The following DST variants were observed in gnomAD, a reference collection of about 807,000 sequenced individuals.
The protein encoded by DST is bullous pemphigoid antigen.
A neutral mutation model predicts 875.2 loss-of-function variants in DST; 253 were observed. The ratio of observed to expected loss-of-function variants is 0.29; its 90% confidence interval spans 0.26 to 0.32. The LOEUF (loss-of-function observed/expected upper bound fraction) is 0.32, where lower values mean the gene tolerates loss of function less well. Among genes scored for constraint, DST ranks in the 10% least tolerant of loss-of-function variants. The pLI is 1.00. For missense variants in DST, 8,287 were observed against 9,111.6 expected, an observed-to-expected ratio of 0.91 and a Z score of 3.68; for synonymous variants, 3,124 against 3,197.1, an observed-to-expected ratio of 0.98 and a Z score of 0.77.
chr6:56,826,610 T>C (rs2099780792), intron 4 of DST, among the ~76,000 whole-genome samples: 1 of 152,204 alleles, frequency 6.6e-6, no homozygotes, highest in African/African-American at 2.4e-5. Context: ...CATGTGCCTT[T>C]TAATTTTCCT....
At chr6:56,816,147 T>C (rs1287935079) in intron 4 of DST, among the ~76,000 whole-genome samples, 6 of 152,172 alleles carry the variant, frequency 3.9e-5, no homozygotes, top group African/African-American at 1.4e-4. Context: ...ACTCCCTCAA[T>C]CTCATTAATA....
At chr6:56,748,460 T>TA (rs1422125333) in intron 4 of DST, among the ~76,000 whole-genome samples, 4 of 152,236 alleles carry the variant, frequency 2.6e-5, no homozygotes, top group African/African-American at 9.6e-5. Flanking sequence ...TAGGTATTAC[T>TA]AGACACCTAT....
rs192005493 is a variant in DST at position 56,568,545 on chromosome 6, G to A, written c.13929C>T (p.Asn4643=). ...AGTTACATAGTGAGATCCCACTGTT[G>A]TTTACTTTCTGAATCTCTGGTGTTT... ...SLKTPEIQKV[N]NSGISLCNLI... is the part of the protein sequence containing the mutation. Residue 4643 remains asparagine (N), a synonymous_variant, in exon 55 of 104, where the codon AAC becomes AAT. Coordinates refer to ENST00000680361, the MANE Select transcript of DST (RefSeq NM_001374736.1). The A allele has an allele frequency of 2.5e-6, 4 of 1,612,232 alleles. No individual in the cohort carries two copies. Among genetic ancestry groups the A allele is most frequent in the Non-Finnish European group, 3.4e-6 (4 of 1,179,018 alleles).
chr6:56,663,739 A>G (rs2099056943), intron 10 of DST, among the ~76,000 whole-genome samples: 1 of 152,212 alleles, frequency 6.6e-6, no homozygotes, highest in Admixed American at 6.5e-5. Context: ...TGATGGCCCT[A>G]TTATATTCTC....
At chr6:56,920,728 T>TTC (rs1803692981) in intron 2 of DST, among the ~76,000 whole-genome samples, 1 of 83,828 alleles carries the variant, frequency 1.2e-5, no homozygotes, top group Admixed American at 1.1e-4. Flanking sequence ...TCTTTCTTCC[T>TTC]TTTTTTTTTT....
chr6:56,892,362 C>T (rs965079496), intron 3 of DST, among the ~76,000 whole-genome samples: 1 of 144,328 alleles, frequency 6.9e-6, no homozygotes, highest in Admixed American at 7.1e-5. Context: ...CTTGCTCTGT[C>T]ACTCAGGCTG....
intron 2 of DST, among the ~76,000 whole-genome samples, chr6:56,938,958 G>A (rs768792753): frequency 1.6e-4 from 24 of 152,214 alleles, no homozygotes; most frequent in Non-Finnish European, 3.1e-4. Flanking sequence ...ACCAACCCAC[G>A]GAATTGTGAG....
chr6:56,821,696 C>T (rs2099773224), intron 4 of DST, among the ~76,000 whole-genome samples: 1 of 152,164 alleles, frequency 6.6e-6, no homozygotes, highest in Non-Finnish European at 1.5e-5. Flanking sequence ...TCCTCTCTGA[C>T]TGCCCTATGA....
Position 56,485,144 on chromosome 6 carries a change from G to A in DST, c.21207+168C>T, listed in dbSNP as rs1045206490. 14 of 675,054 alleles carry A rather than the reference G, an allele frequency of 2.1e-5. No homozygotes were observed. In the African/African-American group the frequency reaches 2.6e-4, roughly 12 times the overall value. The allele number at this position is 675,054 out of a possible 1,614,324, so 41.8% of individuals were successfully genotyped here. On this transcript the variant is annotated intron_variant, in intron 88 of 103. Transcript: ENST00000680361. ...ATAATACTTCCCCATCACTTTTAAA[G>A]TTTGCTTCCAGGTTCTGCTCAAACG...
chr6:56,699,856 T>A, intron 8 of DST, 111 bp from the exon 9 acceptor site: 2 of 535,006 alleles, frequency 3.7e-6, no homozygotes, highest in South Asian at 2.9e-5. Context: ...AATGGAATAA[T>A]TTAAACACCA....
chr6:56,681,933 A>T (rs2099159208), intron 9 of DST, among the ~76,000 whole-genome samples: 1 of 152,208 alleles, frequency 6.6e-6, no homozygotes, highest in Non-Finnish European at 1.5e-5. Flanking sequence ...AATGTCACTA[A>T]GCCAAATGGG....
intron 4 of DST, among the ~76,000 whole-genome samples, chr6:56,845,771 C>T (rs2099806620): frequency 6.6e-6 from 1 of 152,166 alleles, no homozygotes. Flanking sequence ...CACCCAGTAG[C>T]ACCCAGTTTT....
intron 4 of DST, among the ~76,000 whole-genome samples, chr6:56,745,889 C>A (rs2099570875): frequency 6.6e-6 from 1 of 152,146 alleles, no homozygotes; most frequent in African/African-American, 2.4e-5. Context: ...TTCATATTGG[C>A]ACAAATTTGT....
intron 4 of DST, among the ~76,000 whole-genome samples, chr6:56,796,000 C>T (rs1370719432): frequency 6.6e-6 from 1 of 152,144 alleles, no homozygotes; most frequent in East Asian, 1.9e-4. Context: ...AGTCTTGAGA[C>T]CACAGGATCC....
At chr6:56,671,926 A>T (rs1318646406) in intron 9 of DST, among the ~76,000 whole-genome samples, 1 of 152,226 alleles carries the variant, frequency 6.6e-6, no homozygotes, top group Non-Finnish European at 1.5e-5. Context: ...CATGTTTGTA[A>T]GTCAACTTCC....
chr6:56,596,007 T>C (rs202110149), intron 47 of DST, among the ~76,000 whole-genome samples: 113 of 145,892 alleles, frequency 7.7e-4, no homozygotes, highest in African/African-American at 2.9e-3. Context: ...ACTTTCTTTC[T>C]TTTATTTATT....
intron 3 of DST, among the ~76,000 whole-genome samples, chr6:56,867,630 G>T (rs967518548): frequency 6.6e-6 from 1 of 152,134 alleles, no homozygotes; most frequent in African/African-American, 2.4e-5. Flanking sequence ...GACCATCCTG[G>T]CCAACATGGT....
intron 22 of DST, among the ~76,000 whole-genome samples, chr6:56,636,908 C>G (rs1273422025): frequency 6.6e-6 from 1 of 152,050 alleles, no homozygotes. Flanking sequence ...ATGGTGAAAC[C>G]CCATCTCCAC....
intron 4 of DST, among the ~76,000 whole-genome samples, chr6:56,746,995 G>A (rs1027782516): frequency 6.6e-5 from 10 of 152,110 alleles, no homozygotes; most frequent in African/African-American, 2.4e-4. Flanking sequence ...AGAGGTGAAG[G>A]TGCAACTGGT....
Sources: allele counts gnomAD v4.1 joint callset (sites outside exome capture counted in the v4.1 genomes callset), GRCh38; gene constraint gnomAD v4.1.1; transcripts MANE v1.5; gene names NCBI Gene and HGNC (gene_info 2026-07-23, HGNC 2026-07-21).